The following TAS1R2 variants were observed in gnomAD, a reference collection of about 807,000 sequenced individuals.
TAS1R2 encodes the protein taste receptor type 1 member 2.
A neutral mutation model predicts 49.3 loss-of-function variants in TAS1R2; 47 were observed. That is an observed-to-expected ratio of 0.95 (90% CI 0.75 to 1.22). The LOEUF (loss-of-function observed/expected upper bound fraction) is 1.22, where lower values mean the gene tolerates loss of function less well. TAS1R2 is among the 50% of genes most tolerant of loss of function. The probability of loss-of-function intolerance (pLI) is 0.00; values close to 1 mark genes in which losing one functional copy is unlikely to be tolerated. For missense variants in TAS1R2, 1,155 were observed against 1,122.1 expected, an observed-to-expected ratio of 1.03 and a Z score of -0.42; for synonymous variants, 479 against 467.9, an observed-to-expected ratio of 1.02 and a Z score of -0.31.
At chr1:18,857,294 C>A (rs760905037) in intron 2 of TAS1R2, 37 bp downstream of exon 2, 4 of 1,594,554 alleles carry the variant, frequency 2.5e-6, no homozygotes, top group South Asian at 1.1e-5. Context: ...CCTCTGCCCC[C>A]CTCCCCAGGT....
intron 5 of TAS1R2, 21 bp downstream of exon 5, chr1:18,841,708 T>C: frequency 6.2e-7 from 1 of 1,608,588 alleles, no homozygotes; most frequent in Non-Finnish European, 8.5e-7. Flanking sequence ...AGGGCAGGAG[T>C]GCTAGGCCTG....
chr1:18,853,458 T>A (rs1198770271), intron 3 of TAS1R2, among the ~76,000 whole-genome samples: 2 of 152,102 alleles, frequency 1.3e-5, no homozygotes, highest in Non-Finnish European at 2.9e-5. Flanking sequence ...TTATATAGAA[T>A]GAGAGAGAGA....
chr1:18,845,653 G>A (rs77106843), intron 4 of TAS1R2, among the ~76,000 whole-genome samples: 7,606 of 152,254 alleles, frequency 0.05, 523 homozygotes, highest in African/African-American at 0.15. Context: ...ACCTGGATTC[G>A]TGGGTGGAGC....
Position 18,854,200 on chromosome 1 carries a change from G to C in TAS1R2, c.1257+13C>G. 6.2e-7 allele frequency: 1 copy of C among 1,609,354 alleles called. No homozygotes were observed. The highest frequency in any genetic ancestry group is 8.5e-7 in the Non-Finnish European group (1 of 1,176,730). The stretch of plus-strand genomic sequence containing the variant: ...GAGGTGCCCTGCAGACTCTATGGCA[G>C]CCACCCCCTCACCTGCCAGGGGTAG... On this transcript the variant is annotated intron_variant, in intron 3 of 5. Transcript: ENST00000375371. This position sits in a 1 kb window ranked among gnomAD's most constrained non-coding sequence, Gnocchi z 4.9.
intron 3 of TAS1R2, among the ~76,000 whole-genome samples, chr1:18,851,174 G>A (rs557142580): frequency 9.3e-4 from 141 of 152,228 alleles, no homozygotes; most frequent in South Asian, 4.8e-3. Flanking sequence ...GGCCATATCC[G>A]AGATGCCCGA....
chr1:18,854,959 G>A lies in TAS1R2; in HGVS notation c.511C>T (p.Leu171=), dbSNP rs1395355705. 1.2e-6 allele frequency: 2 copies of A among 1,606,790 alleles called. No individual in the cohort carries two copies. The highest frequency in any genetic ancestry group is 8.5e-7 in the Non-Finnish European group (1 of 1,173,910). Residue 171 remains leucine, a synonymous_variant, in exon 3 of 6, where the codon CTG becomes TTG. Coordinates refer to ENST00000375371, the Ensembl canonical transcript of TAS1R2. The surrounding 1 kb of genome is among the most constrained non-coding windows in gnomAD (Gnocchi z 4.9). ...GCCGGGAAGCGCACCTTGTCTCGCAGCTCATCGCTGATGGCGCTGTAGGTG... is the reference window on the plus strand; with the variant it reads ...GCCGGGAAGCGCACCTTGTCTCGCAACTCATCGCTGATGGCGCTGTAGGTG...
intron 2 of TAS1R2, among the ~76,000 whole-genome samples, chr1:18,855,672 C>G (rs1342402244): frequency 1.3e-5 from 2 of 152,170 alleles, no homozygotes; most frequent in South Asian, 4.1e-4. Flanking sequence ...CTCTCCTGAA[C>G]TTCAGATGCA....
intron 3 of TAS1R2, among the ~76,000 whole-genome samples, chr1:18,851,534 TTGGCCAGGCTGG>T (rs1330503551): frequency 6.6e-6 from 1 of 152,086 alleles, no homozygotes; most frequent in Non-Finnish European, 1.5e-5. Context: ...TTTCACCATG[TTGGCCAGGCTGG>T]TCTCGAACTC....
intron 2 of TAS1R2, among the ~76,000 whole-genome samples, chr1:18,855,374 C>T (rs1031194644): frequency 7.9e-5 from 12 of 152,186 alleles, no homozygotes; most frequent in Admixed American, 2.0e-4. Context: ...AAGCACAGCG[C>T]TTTCCTCCTC....
chr1:18,857,766 C>A, intron 1 of TAS1R2, 135 bp from the exon 2 acceptor site: 1 of 981,916 alleles, frequency 1.0e-6, no homozygotes, highest in Non-Finnish European at 1.5e-6. Context: ...CCAGAAGACT[C>A]GGGCATTTTC....
chr1:18,855,051 C>T, intron 2 of TAS1R2, 65 bp from the exon 3 acceptor site: 1 of 1,550,966 alleles, frequency 6.4e-7, no homozygotes, highest in South Asian at 1.2e-5. Context: ...CACCCCAGGG[C>T]TCTATCCACC....
rs1456447585 is a variant in TAS1R2, at chr1:18,854,747, G to A, written c.723C>T (p.Pro241=). ...TCATGTTCTGGTTGGGCTGCAGTGTGGGCAGCGTCTCCTGGAAGGCGATGC... is the reference window on the plus strand; with the variant it reads ...TCATGTTCTGGTTGGGCTGCAGTGTAGGCAGCGTCTCCTGGAAGGCGATGC... Residue 241 remains proline, a synonymous_variant, in exon 3 of 6, where the codon CCC becomes CCT. Transcript: ENST00000375371. This position sits in a 1 kb window ranked among gnomAD's most constrained non-coding sequence, Gnocchi z 4.9. 1.5e-5 allele frequency: 24 copies of A among 1,611,304 alleles called. No individual in the cohort carries two copies. Among genetic ancestry groups the A allele is most frequent in the Non-Finnish European group, 1.9e-5 (23 of 1,179,692 alleles).
chr1:18,841,385 C>G (rs1016101479), intron 5 of TAS1R2, among the ~76,000 whole-genome samples: 2 of 152,068 alleles, frequency 1.3e-5, no homozygotes, highest in African/African-American at 4.8e-5. Flanking sequence ...TTGCAAATAC[C>G]ATTCATTCAT....
At position 18,854,164 on chromosome 1, in the gene TAS1R2, G is replaced by A. The variant is rs1284778152; in HGVS notation, c.1257+49C>T. 1 of 1,568,086 alleles carries A rather than the reference G, an allele frequency of 6.4e-7. No homozygotes were observed. Among genetic ancestry groups the A allele is most frequent in the Non-Finnish European group, 8.7e-7 (1 of 1,150,594 alleles). On this transcript the variant is annotated intron_variant, in intron 3 of 5. Coordinates refer to ENST00000375371, the Ensembl canonical transcript of TAS1R2. This position sits in a 1 kb window ranked among gnomAD's most constrained non-coding sequence, Gnocchi z 4.9. ...ACACCCATTTGCCCAGAACCCCAGG[G>A]GAGGAGGATGGAGGTGCCCTGCAGA...
intron 5 of TAS1R2, 39 bp downstream of exon 5, chr1:18,841,668 CCAGGGGCAGGGCAGGGGCAGGG>C: frequency 6.3e-7 from 1 of 1,576,666 alleles, no homozygotes; most frequent in Non-Finnish European, 8.7e-7. Flanking sequence ...CCTAGAGACT[CCAGGGGCAGGGCAGGGGCAGGG>C]CAGGGGCAGG....
At chr1:18,857,289 G>GC (rs746600375) in intron 2 of TAS1R2, 42 bp downstream of exon 2, 3 of 1,587,892 alleles carry the variant, frequency 1.9e-6, no homozygotes, top group Non-Finnish European at 2.6e-6. Flanking sequence ...CCATTCCTCT[G>GC]CCCCCCTCCC....
Position 18,857,616 on chromosome 1 carries a change from C to T in TAS1R2, c.198G>A (p.Val66=), listed in dbSNP as rs760104489. Reference sequence around the variant, plus strand: ...TGGCCTGCATGAGGTTGTAGCCTATCACCTTCACTTCATACCTGGAGGGGC... The same window carrying T: ...TGGCCTGCATGAGGTTGTAGCCTATTACCTTCACTTCATACCTGGAGGGGC... Residue 66 remains valine, a synonymous_variant, in exon 2 of 6, where the codon GTG becomes GTA. Transcript: ENST00000375371. 111 of 1,613,136 alleles carry T rather than the reference C, an allele frequency of 6.9e-5. No individual in the cohort carries two copies. In the Middle Eastern group the frequency reaches 2.5e-3, roughly 36 times the overall value.
At chr1:18,841,825 A>G (rs773305396) in exon 5 of TAS1R2, 3 of 1,612,388 alleles carry the variant, frequency 1.9e-6, no homozygotes, top group South Asian at 1.1e-5. Flanking sequence ...CCTGACTGGC[A>G]CCTCTTGGAA....
chr1:18,855,682 A>ATACC (rs142111095), intron 2 of TAS1R2, among the ~76,000 whole-genome samples: 6 of 152,246 alleles, frequency 3.9e-5, no homozygotes, highest in Non-Finnish European at 7.4e-5. Context: ...CTTCAGATGC[A>ATACC]TACCACAACT....
Sources: allele counts gnomAD v4.1 joint callset (sites outside exome capture counted in the v4.1 genomes callset), GRCh38; gene constraint gnomAD v4.1.1; non-coding constraint Gnocchi (gnomAD v3.1); transcripts MANE v1.5; gene names NCBI Gene and HGNC (gene_info 2026-07-23, HGNC 2026-07-21).